SLC24A2: variants seen among roughly 807,000 people sequenced by gnomAD.
The protein encoded by SLC24A2 is sodium/potassium/calcium exchanger 2.
A neutral mutation model predicts 62.0 loss-of-function variants in SLC24A2; 36 were observed. The observed-to-expected ratio is 0.58, with a 90% CI of 0.44 to 0.77. SLC24A2 has a LOEUF of 0.77. SLC24A2 is among the 30% of genes least tolerant of loss of function. The pLI is 0.00. For missense variants in SLC24A2, 846 were observed against 817.9 expected, an observed-to-expected ratio of 1.03 and a Z score of -0.42; for synonymous variants, 358 against 294.0, an observed-to-expected ratio of 1.22 and a Z score of -2.23.
intron 7 of SLC24A2, among the ~76,000 whole-genome samples, chr9:19,558,809 C>A (rs1333809284): frequency 1.3e-5 from 2 of 152,198 alleles, no homozygotes; most frequent in Non-Finnish European, 2.9e-5. Flanking sequence ...AATACTCTCA[C>A]TGACAAAGGC....
At chr9:20,196,679 A>G in the SLC24A2 span, among the ~76,000 whole-genome samples, 1 of 152,220 alleles carries the variant, frequency 6.6e-6, no homozygotes, top group African/African-American at 2.4e-5. Context: ...ATAATAATTC[A>G]TTACATTCTG....
the SLC24A2 span, among the ~76,000 whole-genome samples, chr9:20,144,862 G>A: frequency 1.3e-5 from 2 of 152,134 alleles, no homozygotes; most frequent in African/African-American, 4.8e-5. Context: ...GAAAACTTCA[G>A]TGGTGCTAGT....
intron 2 of SLC24A2, among the ~76,000 whole-genome samples, chr9:19,719,584 T>G (rs2118643182): frequency 6.6e-6 from 1 of 152,192 alleles, no homozygotes; most frequent in East Asian, 1.9e-4. Flanking sequence ...CCCAGAAAGT[T>G]GAGATGCAGA....
chr9:19,512,863 C>T lies in SLC24A2; in HGVS notation c.*3290G>A, dbSNP rs1277435587. On this transcript the variant is annotated 3_prime_UTR_variant, in exon 11 of 11. Coordinates refer to ENST00000341998, the MANE Select transcript of SLC24A2 (RefSeq NM_020344.4). ...GTATTTTCTGTTGTGTATTCTTTGC[C>T]TCTATATCAGCATTAGGGATATGGC... The T allele has an allele frequency of 6.6e-6, 1 of 151,888 alleles. No homozygotes were observed. Among genetic ancestry groups the T allele is most frequent in the Non-Finnish European group, 1.5e-5 (1 of 67,980 alleles). 9.4% of individuals were successfully genotyped at this position (151,888 alleles called of 1,614,324 possible).
chr9:19,645,515 C>CA (rs760541689), intron 2 of SLC24A2, among the ~76,000 whole-genome samples: 54 of 151,070 alleles, frequency 3.6e-4, no homozygotes, highest in East Asian at 5.8e-4. Flanking sequence ...AACATTGTGG[C>CA]AAAAAAAATG....
the SLC24A2 span, among the ~76,000 whole-genome samples, chr9:20,073,400 G>C: frequency 6.6e-6 from 1 of 151,986 alleles, no homozygotes; most frequent in Non-Finnish European, 1.5e-5. Context: ...AACTGGTTTG[G>C]GACCATAATT....
At chr9:19,578,236 C>T (rs926601034) in intron 5 of SLC24A2, among the ~76,000 whole-genome samples, 1 of 150,812 alleles carries the variant, frequency 6.6e-6, no homozygotes, top group Non-Finnish European at 1.5e-5. Flanking sequence ...CTTATGGAAA[C>T]ATAAAAAAAG....
chr9:19,935,455 G>A, the SLC24A2 span, among the ~76,000 whole-genome samples: 2 of 152,130 alleles, frequency 1.3e-5, no homozygotes, highest in African/African-American at 4.8e-5. Context: ...AAGGGAGTGG[G>A]TAGATAATAT....
At chr9:19,527,307 G>C (rs1489112511) in intron 9 of SLC24A2, among the ~76,000 whole-genome samples, 1 of 152,080 alleles carries the variant, frequency 6.6e-6, no homozygotes, top group Non-Finnish European at 1.5e-5. Context: ...ATGTGATTTT[G>C]GGTAATCTTA....
intron 2 of SLC24A2, among the ~76,000 whole-genome samples, chr9:19,678,706 A>T (rs748644574): frequency 3.3e-5 from 5 of 152,184 alleles, no homozygotes; most frequent in Non-Finnish European, 5.9e-5. Flanking sequence ...AATAGTTCAT[A>T]CATGCTGGCA....
chr9:20,197,415 T>TTC, the SLC24A2 span, among the ~76,000 whole-genome samples: 16 of 148,450 alleles, frequency 1.1e-4, no homozygotes, highest in South Asian at 2.1e-4. Flanking sequence ...ATGATGTATT[T>TTC]TCTCTCTCTC....
At chr9:19,546,641 C>T (rs1293007019) in intron 8 of SLC24A2, among the ~76,000 whole-genome samples, 1 of 152,122 alleles carries the variant, frequency 6.6e-6, no homozygotes, top group Non-Finnish European at 1.5e-5. Flanking sequence ...GTTGGACCCA[C>T]CAAGCCAGAC....
At chr9:19,596,606 A>G (rs1836708089) in intron 5 of SLC24A2, among the ~76,000 whole-genome samples, 1 of 152,164 alleles carries the variant, frequency 6.6e-6, no homozygotes, top group Admixed American at 6.5e-5. Flanking sequence ...CTACTCAGAG[A>G]AAATGGTTAA....
intron 2 of SLC24A2, among the ~76,000 whole-genome samples, chr9:19,653,617 A>G (rs536753988): frequency 2.6e-5 from 4 of 152,358 alleles, no homozygotes; most frequent in East Asian, 3.9e-4. Context: ...AAAATATCAA[A>G]TATCAGTAGA....
the SLC24A2 span, among the ~76,000 whole-genome samples, chr9:19,998,102 T>C: frequency 6.6e-6 from 1 of 152,204 alleles, no homozygotes; most frequent in Non-Finnish European, 1.5e-5. Flanking sequence ...GAAGCTGTGG[T>C]AAGTAATTTA....
the SLC24A2 span, among the ~76,000 whole-genome samples, chr9:20,036,399 C>G: frequency 1.1e-4 from 17 of 150,164 alleles, no homozygotes; most frequent in African/African-American, 4.2e-4. Context: ...GCTATAATTA[C>G]CACATTGTGC....
At chr9:20,139,980 T>C in the SLC24A2 span, among the ~76,000 whole-genome samples, 1 of 152,222 alleles carries the variant, frequency 6.6e-6, no homozygotes, top group Non-Finnish European at 1.5e-5. Context: ...TGCGGTGCGT[T>C]CCCTTCCAGG....
the SLC24A2 span, among the ~76,000 whole-genome samples, chr9:20,206,812 A>C: frequency 6.6e-6 from 1 of 151,846 alleles, no homozygotes; most frequent in Non-Finnish European, 1.5e-5. Context: ...ATCTTTTTTA[A>C]ATTTCTGTTT....
intron 2 of SLC24A2, among the ~76,000 whole-genome samples, chr9:19,731,958 A>G (rs1486939534): frequency 6.6e-6 from 1 of 152,182 alleles, no homozygotes; most frequent in African/African-American, 2.4e-5. Flanking sequence ...CTGTGAAATG[A>G]GTATGACAAT....
Sources: gnomAD v4.1 joint callset for allele counts (sites outside exome capture counted in the v4.1 genomes callset) on GRCh38, gnomAD v4.1.1 for gene constraint, MANE v1.5 for transcripts, NCBI Gene and HGNC (gene_info 2026-07-23, HGNC 2026-07-21) for gene names.